Variants in SPG11 observed in about 807,000 individuals in gnomAD.
The protein encoded by SPG11 is SPG11 vesicle trafficking associated, spatacsin.
Under a neutral mutation model 274.0 loss-of-function variants are expected in SPG11, and 222 were observed. The ratio of observed to expected loss-of-function variants is 0.81; its 90% CI spans 0.73 to 0.91. The LOEUF (loss-of-function observed/expected upper bound fraction) is 0.91. Ranked by LOEUF, SPG11 falls within the 40% of genes least tolerant of loss-of-function variation. The pLI is 0.00. For missense variants in SPG11, 3,114 were observed against 2,872.7 expected (o/e 1.08, Z -1.92); for synonymous variants, 1,144 against 1,039.7 (o/e 1.10, Z -1.93).
chr15:44,652,025 A>T, intron 5 of SPG11, 86 bp from the exon 6 acceptor site: 1 of 1,550,330 alleles, frequency 6.5e-7, no homozygotes, highest in South Asian at 1.2e-5. Flanking sequence ...GATGTTCTTA[A>T]AAAAAAAAAG....
At chr15:44,565,772 G>C (rs1292622423) in intron 38 of SPG11, 82 bp downstream of exon 38, 7 of 1,563,362 alleles carry the variant, frequency 4.5e-6, no homozygotes, top group Non-Finnish European at 5.3e-6. Context: ...CTAGCCCTGA[G>C]ACCTTACCTC....
chr15:44,616,023 C>T (rs531359501), intron 15 of SPG11, among the ~76,000 whole-genome samples: 1 of 152,186 alleles, frequency 6.6e-6, no homozygotes, highest in African/African-American at 2.4e-5. Context: ...GTTACTGTTA[C>T]ATCATATATA....
intron 7 of SPG11, among the ~76,000 whole-genome samples, chr15:44,643,456 G>A (rs1261812926): frequency 6.6e-6 from 1 of 152,062 alleles, no homozygotes; most frequent in Non-Finnish European, 1.5e-5. Flanking sequence ...AACAAATGGT[G>A]CAAGGACAAC....
At chr15:44,663,213 T>A (rs1375418947) in intron 1 of SPG11, among the ~76,000 whole-genome samples, 178 bp downstream of exon 1, 1 of 152,186 alleles carries the variant, frequency 6.6e-6, no homozygotes, top group Admixed American at 6.5e-5. Flanking sequence ...GCGTTTCAGG[T>A]CGGGGGAAAG....
intron 2 of SPG11, among the ~76,000 whole-genome samples, chr15:44,659,975 C>A (rs1163334487): frequency 2.0e-5 from 3 of 152,134 alleles, no homozygotes; most frequent in Non-Finnish European, 4.4e-5. Flanking sequence ...GTGGGACAAT[C>A]AGTTGAACTG....
chr15:44,656,784 G>A (rs745933681), intron 4 of SPG11, among the ~76,000 whole-genome samples: 1 of 152,116 alleles, frequency 6.6e-6, no homozygotes, highest in Non-Finnish European at 1.5e-5. Flanking sequence ...GAAAATTAGG[G>A]AAATAACATG....
intron 11 of SPG11, 45 bp downstream of exon 11, chr15:44,626,286 A>G: frequency 6.7e-7 from 1 of 1,495,112 alleles, no homozygotes; most frequent in Non-Finnish European, 9.1e-7. Flanking sequence ...ATAACTAGAA[A>G]TTATATTAAA....
At chr15:44,592,541 G>C in intron 26 of SPG11, 103 bp from the exon 27 acceptor site, 1 of 759,226 alleles carries the variant, frequency 1.3e-6, no homozygotes, top group Non-Finnish European at 2.3e-6. Flanking sequence ...TAATAAGGCA[G>C]GGCACAGTGG....
At chr15:44,648,729 G>A (rs1472271442) in intron 7 of SPG11, 137 bp downstream of exon 7, 3 of 1,000,076 alleles carry the variant, frequency 3.0e-6, no homozygotes, top group Admixed American at 1.9e-5. Flanking sequence ...GAAACAGCCA[G>A]AACTGTTTAA....
intron 20 of SPG11, among the ~76,000 whole-genome samples, chr15:44,602,936 A>G (rs2083232649): frequency 6.6e-6 from 1 of 152,230 alleles, no homozygotes; most frequent in African/African-American, 2.4e-5. Flanking sequence ...AATAACTGCA[A>G]AAGGAGCTTT....
At chr15:44,654,832 A>G (rs1176692434) in intron 4 of SPG11, among the ~76,000 whole-genome samples, 1 of 151,720 alleles carries the variant, frequency 6.6e-6, no homozygotes. Flanking sequence ...GCGAAACTCC[A>G]TCTCAAAAAA....
intron 4 of SPG11, 89 bp from the exon 5 acceptor site, chr15:44,652,355 T>C (rs926596413): frequency 1.4e-6 from 2 of 1,383,112 alleles, no homozygotes; most frequent in African/African-American, 2.9e-5. Context: ...AATAAGAGAT[T>C]ACAGAGAAGG....
At chr15:44,585,914 G>T in intron 28 of SPG11, 64 bp from the exon 29 acceptor site, 1 of 1,298,868 alleles carries the variant, frequency 7.7e-7, no homozygotes, top group Non-Finnish European at 1.1e-6. Flanking sequence ...CATTTCAAGA[G>T]TAATACATAT....
At chr15:44,609,193 G>C (rs971126730) in intron 18 of SPG11, among the ~76,000 whole-genome samples, 1 of 151,714 alleles carries the variant, frequency 6.6e-6, no homozygotes, top group Non-Finnish European at 1.5e-5. Flanking sequence ...GTGCAATGGC[G>C]CGATCTCGGC....
In SPG11 at chr15:44,573,533, G is replaced by C. The variant is rs766366279; in HGVS notation, c.6205+14C>G. On this transcript the variant is annotated intron_variant, in intron 32 of 39. Transcript: ENST00000261866. Reference sequence around the variant, plus strand: ...GCTGTCAGAGAGGTTGGGAATCCCCGGGGGGTAGGGCACCTGTTCCCTGTG... The same window carrying C: ...GCTGTCAGAGAGGTTGGGAATCCCCCGGGGGTAGGGCACCTGTTCCCTGTG... 6.2e-7 allele frequency: 1 copy of C among 1,613,620 alleles called. No homozygotes were observed. The highest frequency in any genetic ancestry group is 1.7e-5 in the Admixed American group (1 of 60,010).
intron 24 of SPG11, 21 bp downstream of exon 24, chr15:44,596,763 T>C: frequency 6.4e-7 from 1 of 1,570,758 alleles, no homozygotes; most frequent in East Asian, 2.4e-5. Flanking sequence ...TTTGAGTGAC[T>C]GCTAACAATT....
Position 44,606,013 on chromosome 15 carries a change from A to G in SPG11, c.3520+12T>C. The G allele has an allele frequency of 6.2e-7, 1 of 1,611,504 alleles. No individual in the cohort carries two copies. The highest frequency in any genetic ancestry group is 8.5e-7 in the Non-Finnish European group (1 of 1,177,794). On this transcript the variant is annotated intron_variant, in intron 20 of 39. Coordinates refer to ENST00000261866, the MANE Select transcript of SPG11 (RefSeq NM_025137.4). ...CTAAAACATGTCTCAAGAAGTACCC[A>G]TGATGACTTACCTCCTATAGCTAGT...
rs35699941 is a variant in SPG11 at position 44,575,493 on chromosome 15, CT to C, written c.5867-453del. ...TCACCCCCAGTCGGTCTCCAACATA[CT>C]TTTTTTTTTTTTTTTTTTGAGATGG... On this transcript the variant is annotated intron_variant, in intron 30 of 39. Transcript: ENST00000261866. Among the ~76,000 whole-genome samples the C allele has an allele frequency of 6.2e-3, 859 of 138,466 alleles. 4 individuals carry two copies. Among genetic ancestry groups the C allele is most frequent in the Non-Finnish European group, 9.5e-3 (603 of 63,486 alleles). The allele number at this position is 138,466 out of a possible 152,430, so 90.8% of individuals were successfully genotyped here.
intron 27 of SPG11, 31 bp from the exon 28 acceptor site, chr15:44,589,445 G>C (rs2082848101): frequency 6.2e-7 from 1 of 1,613,636 alleles, no homozygotes; most frequent in South Asian, 1.1e-5. Context: ...CTTAGGGAAA[G>C]CAGTTTCATG....
Sources: allele counts gnomAD v4.1 joint callset (sites outside exome capture counted in the v4.1 genomes callset), GRCh38; gene constraint gnomAD v4.1.1; transcripts MANE v1.5; gene names NCBI Gene and HGNC (gene_info 2026-07-23, HGNC 2026-07-21).